Variants in INTS2 observed in about 807,000 individuals in gnomAD.
INTS2 encodes KIAA1287.
A neutral mutation model predicts 139.6 loss-of-function variants in INTS2; 57 were observed. That is an observed-to-expected ratio of 0.41 (90% CI 0.33 to 0.51). INTS2 has a LOEUF of 0.51. INTS2 is among the 20% of genes least tolerant of loss of function. The pLI, the probability that INTS2 is intolerant of heterozygous loss-of-function variation, is 0.28. For synonymous variants in INTS2, 473 were observed against 493.4 expected, an observed-to-expected ratio of 0.96 and a Z score of 0.55; for missense variants, 1,196 against 1,436.7, an observed-to-expected ratio of 0.83 and a Z score of 2.71.
intron 1 of INTS2, 162 bp from the exon 2 acceptor site, chr17:61,926,824 A>G (rs1384705260): frequency 3.0e-6 from 2 of 657,754 alleles, no homozygotes; most frequent in Non-Finnish European, 5.4e-6. Context: ...CCCTAGGTTT[A>G]TACTGTCACC....
chr17:61,890,894 G>A (rs1567899510), intron 14 of INTS2, among the ~76,000 whole-genome samples: 1 of 136,236 alleles, frequency 7.3e-6, no homozygotes, highest in African/African-American at 2.8e-5. Flanking sequence ...TGAAGCAGGA[G>A]AATCGCTTGA....
chr17:61,912,730 A>AC (rs2079540520), intron 5 of INTS2, among the ~76,000 whole-genome samples: 1 of 152,132 alleles, frequency 6.6e-6, no homozygotes, highest in African/African-American at 2.4e-5. Flanking sequence ...AGAAAATCAT[A>AC]CCAAGAAACA....
chr17:61,893,908 G>GA lies in INTS2; in HGVS notation c.1564-10dup. The GA allele has an allele frequency of 6.5e-7, 1 of 1,532,368 alleles. No homozygotes were observed. Among genetic ancestry groups the GA allele is most frequent in the Non-Finnish European group, 8.8e-7 (1 of 1,135,660 alleles). The allele number at this position is 1,532,368 out of a possible 1,614,324, so 94.9% of individuals were successfully genotyped here. A position where few individuals can be genotyped will look rare whatever the true frequency, so the allele number is the denominator to read the frequency against. ...GCATGAGCTGTGACAACCTAAAAGG[G>GA]AAAAATAGCATTAGTAATATAATAG... On this transcript the variant is annotated splice_polypyrimidine_tract_variant and intron_variant, in intron 12 of 24. Coordinates refer to ENST00000251334, the MANE Select transcript of INTS2 (RefSeq NM_001351695.2). This position sits in a 1 kb window ranked among gnomAD's most constrained non-coding sequence, Gnocchi z 5.4.
chr17:61,903,187 A>G lies in INTS2; in HGVS notation c.1307+1273T>C, dbSNP rs1052942306. 2.7e-5 allele frequency among the ~76,000 whole-genome samples: 4 copies of G among 150,414 alleles called. No homozygotes were observed. In the South Asian group the frequency reaches 6.3e-4, roughly 24 times the overall value. On this transcript the variant is annotated intron_variant, in intron 9 of 24. Coordinates refer to ENST00000251334, the MANE Select transcript of INTS2 (RefSeq NM_001351695.2). The stretch of plus-strand genomic sequence containing the variant: ...GTCTCAAAAAAGGAAAAAAAAAAAA[A>G]AAAAAAGAAAGAAAGGATAGGTTTT...
chr17:61,911,619 A>T lies in INTS2; in HGVS notation c.855T>A (p.Asp285Glu), dbSNP rs1247454609. Residue 285 changes from aspartate to glutamate, a missense_variant, in exon 7 of 25, where the codon GAT (aspartate) becomes GAA (glutamate). Coordinates refer to ENST00000251334, the MANE Select transcript of INTS2 (RefSeq NM_001351695.2). ...CAAAACAAACCAAGTCACTCACTCCATCCTCACAAGCTTCATTTTTAGTAT... is the reference window on the plus strand; with the variant it reads ...CAAAACAAACCAAGTCACTCACTCCTTCCTCACAAGCTTCATTTTTAGTAT... ...LDHTKNEACE[D>E]GVSDLVCFVS... 6.2e-7 allele frequency: 1 copy of T among 1,613,938 alleles called. No individual in the cohort carries two copies. Among genetic ancestry groups the T allele is most frequent in the South Asian group, 1.1e-5 (1 of 91,058 alleles).
chr17:61,867,468 T>C lies in INTS2; in HGVS notation c.*89A>G. On this transcript the variant is annotated 3_prime_UTR_variant, in exon 25 of 25. Coordinates refer to ENST00000251334, the MANE Select transcript of INTS2 (RefSeq NM_001351695.2). The surrounding 1 kb of genome is among the most constrained non-coding windows in gnomAD (Gnocchi z 5.6). ...TAGTGATTCCAAGACAATACTTTAC[T>C]GTTCCCATTCAGTTTAGAGTTGTTA... 1.4e-6 allele frequency: 1 copy of C among 710,224 alleles called. No individual in the cohort carries two copies. Among genetic ancestry groups the C allele is most frequent in the Admixed American group, 2.9e-5 (1 of 35,024 alleles). The allele number at this position is 710,224 out of a possible 1,614,324, so 44.0% of individuals were successfully genotyped here.
chr17:61,889,069 C>A (rs78435208), intron 15 of INTS2, among the ~76,000 whole-genome samples: 23,313 of 142,286 alleles, frequency 0.16, 2,183 homozygotes, highest in East Asian at 0.52. Flanking sequence ...CAAAACAAAA[C>A]AAAAAAAAAG....
chr17:61,907,081 T>C (rs1339658312), intron 8 of INTS2, among the ~76,000 whole-genome samples: 1 of 151,958 alleles, frequency 6.6e-6, no homozygotes, highest in Non-Finnish European at 1.5e-5. Flanking sequence ...TAGTCAATGG[T>C]AAAAGATCAC....
At position 61,869,358 on chromosome 17, in the gene INTS2, G is replaced by A; in HGVS notation, c.3053C>T (p.Pro1018Leu). The A allele has an allele frequency of 6.2e-7, 1 of 1,604,174 alleles. No homozygotes were observed. The highest frequency in any genetic ancestry group is 8.5e-7 in the Non-Finnish European group (1 of 1,174,790). ...HFQGYPCELL[P>L]LTVAGIPSMH... ...AGATGGAATACCTGCGACCGTCAGA[G>A]GCAAAAGTTCACATGGATAACCCTA... The change falls in exon 22 of 25, where the codon CCT becomes CTT. Residue 1018 changes from proline (P) to leucine (L), a missense_variant. Transcript: ENST00000251334. This position sits in a 1 kb window ranked among gnomAD's most constrained non-coding sequence, Gnocchi z 5.4.
Position 61,868,101 on chromosome 17 carries a change from G to T in INTS2, c.3245-92C>A. On this transcript the variant is annotated intron_variant, in intron 23 of 24. Transcript: ENST00000251334. The surrounding 1 kb of genome is among the most constrained non-coding windows in gnomAD (Gnocchi z 4.7). ...ACTAAGGGGAACTATGCTCTGTGCT[G>T]GAGATATGAAGTTCTCTAAACACAG... The T allele has an allele frequency of 9.4e-7, 1 of 1,058,468 alleles. No homozygotes were observed. Among genetic ancestry groups the T allele is most frequent in the Non-Finnish European group, 1.3e-6 (1 of 764,772 alleles). 65.6% of individuals were successfully genotyped at this position (1,058,468 alleles called of 1,614,324 possible).
rs1204574121 is a variant in INTS2 at position 61,876,457 on chromosome 17, A to G, written c.2457-1419T>C. Among the ~76,000 whole-genome samples the G allele has an allele frequency of 6.6e-6, 1 of 151,974 alleles. No individual in the cohort carries two copies. Among genetic ancestry groups the G allele is most frequent in the Non-Finnish European group, 1.5e-5 (1 of 67,976 alleles). The stretch of plus-strand genomic sequence containing the variant: ...AAGGAATGTCTCCAAGAAAAAAAAA[A>G]TAGTGTTTCTTTTGTTTTTTTTTGA... On this transcript the variant is annotated intron_variant, in intron 18 of 24. Coordinates refer to ENST00000251334, the MANE Select transcript of INTS2 (RefSeq NM_001351695.2). This position sits in a 1 kb window ranked among gnomAD's most constrained non-coding sequence, Gnocchi z 4.1.
intron 15 of INTS2, among the ~76,000 whole-genome samples, chr17:61,888,891 A>T (rs1461166510): frequency 6.6e-6 from 1 of 151,944 alleles, no homozygotes. Flanking sequence ...CGGGCGTCGT[A>T]GCAGGCGCCT....
At chr17:61,896,235 A>T (rs570796329) in intron 11 of INTS2, among the ~76,000 whole-genome samples, 5 of 135,892 alleles carry the variant, frequency 3.7e-5, no homozygotes, top group Non-Finnish European at 6.3e-5. Flanking sequence ...GCAAGACTCC[A>T]TCTCAAAAAA....
At chr17:61,888,377 A>G (rs968737157) in intron 15 of INTS2, among the ~76,000 whole-genome samples, 15 of 152,304 alleles carry the variant, frequency 9.8e-5, no homozygotes, top group Non-Finnish European at 1.8e-4. Context: ...CAAAAAATAA[A>G]TAGATGAAAT....
At chr17:61,874,856 C>T in intron 19 of INTS2, 57 bp downstream of exon 19, 1 of 1,333,516 alleles carries the variant, frequency 7.5e-7, no homozygotes, top group Non-Finnish European at 9.8e-7. Context: ...TCATCAATTT[C>T]TTTTGACTCT....
rs943972919 is a variant in INTS2, at chr17:61,897,922, A to G, written c.1308-183T>C. Among the ~76,000 whole-genome samples, 8 of 152,198 alleles carry G rather than the reference A, an allele frequency of 5.3e-5. No homozygotes were observed. The highest frequency in any genetic ancestry group is 5.2e-4 in the Admixed American group (8 of 15,270). On this transcript the variant is annotated intron_variant, in intron 9 of 24. Coordinates refer to ENST00000251334, the MANE Select transcript of INTS2 (RefSeq NM_001351695.2). This position sits in a 1 kb window ranked among gnomAD's most constrained non-coding sequence, Gnocchi z 4.4. Reference sequence around the variant, plus strand: ...TCATTGAGGTATGAAGTAATTCTAGAGCTCAAGAATGAGGACCTTTGCTTT... The same window carrying G: ...TCATTGAGGTATGAAGTAATTCTAGGGCTCAAGAATGAGGACCTTTGCTTT...
chr17:61,888,222 C>T (rs1316375362), intron 15 of INTS2, among the ~76,000 whole-genome samples: 1 of 151,856 alleles, frequency 6.6e-6, no homozygotes, highest in Non-Finnish European at 1.5e-5. Context: ...TAAAAAAAAT[C>T]AGCCAGGCAT....
rs1427791197 is a variant in INTS2, at chr17:61,893,178, G to C, written c.1698+587C>G. Among the ~76,000 whole-genome samples the C allele has an allele frequency of 6.6e-6, 1 of 151,662 alleles. No homozygotes were observed. Among genetic ancestry groups the C allele is most frequent in the Admixed American group, 6.6e-5 (1 of 15,192 alleles). ...TAAAATAGCCATGTGCCACTATTGA[G>C]AATTTAAATGGAGTATTATGCATTT... On this transcript the variant is annotated intron_variant, in intron 13 of 24. Transcript: ENST00000251334. This position sits in a 1 kb window ranked among gnomAD's most constrained non-coding sequence, Gnocchi z 5.4.
At position 61,897,966 on chromosome 17, in the gene INTS2, C is replaced by A. The variant is rs1285595602; in HGVS notation, c.1308-227G>T. On this transcript the variant is annotated intron_variant, in intron 9 of 24. Coordinates refer to ENST00000251334, the MANE Select transcript of INTS2 (RefSeq NM_001351695.2). The surrounding 1 kb of genome is among the most constrained non-coding windows in gnomAD (Gnocchi z 4.4). ...TTGCTTTTTTTCATGGATCCCCTCT[C>A]AAAGTCTTAGTTACTGCCTTCACAG... is the stretch of plus-strand genomic sequence containing the variant. 1.3e-5 allele frequency among the ~76,000 whole-genome samples: 2 copies of A among 152,132 alleles called. No individual in the cohort carries two copies. Among genetic ancestry groups the A allele is most frequent in the Non-Finnish European group, 2.9e-5 (2 of 68,022 alleles).
Sources: allele counts gnomAD v4.1 joint callset (sites outside exome capture counted in the v4.1 genomes callset), GRCh38; gene constraint gnomAD v4.1.1; non-coding constraint Gnocchi (gnomAD v3.1); transcripts MANE v1.5; gene names NCBI Gene and HGNC (gene_info 2026-07-23, HGNC 2026-07-21).